The following ANO4 variants were observed in gnomAD, a reference collection of about 807,000 sequenced individuals.
ANO4 encodes anoctamin 4.
ANO4 carries 69 observed loss-of-function variants against 141.9 expected under a neutral mutation model. That is an observed-to-expected ratio of 0.49 (90% CI 0.40 to 0.59). The LOEUF is 0.59. ANO4 is among the 20% of genes least tolerant of loss of function. ANO4 has a pLI of 0.00. For missense variants in ANO4, 894 were observed against 1,162.2 expected, an observed-to-expected ratio of 0.77 and a Z score of 3.36; for synonymous variants, 350 against 394.3, an observed-to-expected ratio of 0.89 and a Z score of 1.33.
intron 2 of ANO4, among the ~76,000 whole-genome samples, chr12:100,919,619 C>T (rs1263580289): frequency 6.6e-6 from 1 of 151,692 alleles, no homozygotes; most frequent in African/African-American, 2.4e-5. Flanking sequence ...ATGCATTTCT[C>T]AGAAAGTATC....
Position 100,723,805 on chromosome 12 carries a change from C to G in ANO4, c.22+6258C>G, listed in dbSNP as rs144043286. Among the ~76,000 whole-genome samples the G allele has an allele frequency of 5.1e-3, 769 of 152,266 alleles. 10 individuals carry two copies. Among genetic ancestry groups the G allele is most frequent in the African/African-American group, 0.018 (735 of 41,554 alleles). ...TGCCCCATCCCCAAATACTATCACACTGGGGGTTAGTGAGGGCCTTAACAT... is the reference window on the plus strand; with the variant it reads ...TGCCCCATCCCCAAATACTATCACAGTGGGGGTTAGTGAGGGCCTTAACAT... On this transcript the variant is annotated intron_variant, in intron 1 of 29. Transcript: ENST00000644049.
intron 14 of ANO4, chr12:101,068,301 C>A (rs779260141): frequency 3.6e-6 from 5 of 1,371,326 alleles, no homozygotes; most frequent in Non-Finnish European, 5.1e-6. Flanking sequence ...CCGCCTGCTC[C>A]TACGAAGGCT....
chr12:101,060,567 A>T (rs945626375), intron 14 of ANO4, among the ~76,000 whole-genome samples: 1 of 152,206 alleles, frequency 6.6e-6, no homozygotes, highest in African/African-American at 2.4e-5. Context: ...GTGCTCCTGT[A>T]TTGGGTGCAT....
intron 22 of ANO4, among the ~76,000 whole-genome samples, chr12:101,100,489 G>A (rs1396623578): frequency 6.6e-6 from 1 of 152,052 alleles, no homozygotes; most frequent in Non-Finnish European, 1.5e-5. Context: ...TTATAGAATG[G>A]AAGAATGATA....
At chr12:101,003,648 CT>C (rs953331432) in intron 8 of ANO4, among the ~76,000 whole-genome samples, 85 of 152,056 alleles carry the variant, frequency 5.6e-4, no homozygotes, top group African/African-American at 1.8e-3. Context: ...ATGTCTCATA[CT>C]TTTTTTTATG....
Position 100,724,159 on chromosome 12 carries a change from G to A in ANO4, c.22+6612G>A, listed in dbSNP as rs563138596. 3.3e-5 allele frequency among the ~76,000 whole-genome samples: 5 copies of A among 152,366 alleles called. No homozygotes were observed. In the South Asian group the frequency reaches 1.0e-3, roughly 32 times the overall value. ...CAGTGAATCAAGTAGGTGTAAGTAG[G>A]AAAGGAAAGGCTTTTCTCTAATTAG... On this transcript the variant is annotated intron_variant, in intron 1 of 29. Transcript: ENST00000644049.
chr12:100,969,865 A>G (rs1281718151), intron 5 of ANO4, among the ~76,000 whole-genome samples: 1 of 152,194 alleles, frequency 6.6e-6, no homozygotes, highest in Non-Finnish European at 1.5e-5. Flanking sequence ...CACTTTACTA[A>G]TTTAAACTAG....
chr12:100,981,891 A>T (rs1791919597), intron 7 of ANO4, among the ~76,000 whole-genome samples: 1 of 152,306 alleles, frequency 6.6e-6, no homozygotes, highest in Middle Eastern at 3.4e-3. Context: ...GGGTAAGATT[A>T]TCTCCCCTTT....
chr12:100,990,030 T>C (rs1012242664), intron 8 of ANO4, among the ~76,000 whole-genome samples: 4 of 150,930 alleles, frequency 2.7e-5, no homozygotes, highest in Admixed American at 1.3e-4. Context: ...GATGGACAGA[T>C]GGATGAATAG....
chr12:101,121,816 G>A lies in ANO4; in HGVS notation c.2676+1191G>A, dbSNP rs1179363499. On this transcript the variant is annotated intron_variant, in intron 26 of 27. Coordinates refer to ENST00000392977, the MANE Select transcript of ANO4 (RefSeq NM_001286615.2). ...CTCTCTCTGTCGCCCAGGCTGGAGT[G>A]CAATGGCACAATCTCGGCTCACTGC... Among the ~76,000 whole-genome samples the A allele has an allele frequency of 2.1e-5, 3 of 141,180 alleles. No homozygotes were observed. The Admixed American group carries it at 2.3e-4, about 11-fold the overall frequency. The allele number at this position is 141,180 out of a possible 152,430, so 92.6% of individuals were successfully genotyped here.
At chr12:101,109,281 G>C (rs188996921) in intron 22 of ANO4, among the ~76,000 whole-genome samples, 1 of 151,994 alleles carries the variant, frequency 6.6e-6, no homozygotes, top group Non-Finnish European at 1.5e-5. Context: ...TTATGTTTTC[G>C]GCTGGGCACG....
chr12:101,006,572 C>G (rs1490368441), intron 8 of ANO4, among the ~76,000 whole-genome samples: 1 of 152,162 alleles, frequency 6.6e-6, no homozygotes, highest in African/African-American at 2.4e-5. Context: ...TATCCACTAG[C>G]AAGACAATGA....
At chr12:100,967,170 T>A (rs1275102590) in intron 5 of ANO4, among the ~76,000 whole-genome samples, 1 of 152,126 alleles carries the variant, frequency 6.6e-6, no homozygotes, top group Admixed American at 6.6e-5. Context: ...CTAAGAATAT[T>A]TTCCCAAACT....
intron 15 of ANO4, among the ~76,000 whole-genome samples, chr12:101,083,105 A>G (rs184901335): frequency 6.6e-6 from 1 of 152,322 alleles, no homozygotes; most frequent in East Asian, 1.9e-4. Flanking sequence ...GAATATACCT[A>G]AAGTCTATTG....
intron 14 of ANO4, among the ~76,000 whole-genome samples, chr12:101,066,036 AAG>A (rs1341884642): frequency 6.6e-6 from 1 of 152,208 alleles, no homozygotes; most frequent in Non-Finnish European, 1.5e-5. Context: ...ATTGATGACA[AAG>A]AAAGAATTTG....
At chr12:100,871,449 G>A (rs1292722242) in intron 1 of ANO4, among the ~76,000 whole-genome samples, 1 of 152,196 alleles carries the variant, frequency 6.6e-6, no homozygotes, top group Non-Finnish European at 1.5e-5. Context: ...GCAATCAGCT[G>A]TTCTTAGAGC....
chr12:101,117,383 G>A (rs2137041937), intron 25 of ANO4, among the ~76,000 whole-genome samples: 1 of 152,274 alleles, frequency 6.6e-6, no homozygotes, highest in Non-Finnish European at 1.5e-5. Flanking sequence ...AATTTGTTGA[G>A]CACCTACTCT....
chr12:100,730,738 A>G (rs1349440051), intron 1 of ANO4, among the ~76,000 whole-genome samples: 1 of 152,208 alleles, frequency 6.6e-6, no homozygotes, highest in African/African-American at 2.4e-5. Context: ...CTGTTCAGGA[A>G]GCATTCTAGA....
chr12:101,073,595 T>TAATAATAATAAC (rs1392541869), intron 14 of ANO4, among the ~76,000 whole-genome samples: 1 of 146,556 alleles, frequency 6.8e-6, no homozygotes, highest in Non-Finnish European at 1.5e-5. Context: ...ATAATAATAA[T>TAATAATAATAAC]AAAAGAAAAT....
Sources: allele counts gnomAD v4.1 joint callset (sites outside exome capture counted in the v4.1 genomes callset), GRCh38; gene constraint gnomAD v4.1.1; transcripts MANE v1.5; gene names NCBI Gene and HGNC (gene_info 2026-07-23, HGNC 2026-07-21).